Variants in SH3GL3 observed in about 807,000 individuals in gnomAD.
SH3GL3 encodes endophilin-A3.
SH3GL3 carries 33 observed loss-of-function variants against 47.7 expected under a neutral mutation model. The observed-to-expected ratio is 0.69, with a 90% confidence interval of 0.52 to 0.92. The LOEUF (loss-of-function observed/expected upper bound fraction) is 0.92. Among genes scored for constraint, SH3GL3 ranks in the 40% least tolerant of loss-of-function variants. The pLI, the probability that SH3GL3 is intolerant of heterozygous loss-of-function variation, is 0.00. For missense variants in SH3GL3, 363 were observed against 417.8 expected (o/e 0.87, Z 1.14); for synonymous variants, 155 against 148.8 (o/e 1.04, Z -0.30).
chr15:83,479,365 T>G (rs1393086061), intron 1 of SH3GL3, among the ~76,000 whole-genome samples: 1 of 152,016 alleles, frequency 6.6e-6, no homozygotes, highest in Non-Finnish European at 1.5e-5. Flanking sequence ...TTGATGTTGT[T>G]GTTCTTGCAG....
At chr15:83,476,399 C>A (rs889358024) in intron 1 of SH3GL3, among the ~76,000 whole-genome samples, 1 of 152,078 alleles carries the variant, frequency 6.6e-6, no homozygotes, top group African/African-American at 2.4e-5. Flanking sequence ...ATTCTGAATC[C>A]TTATATAAAT....
intron 1 of SH3GL3, among the ~76,000 whole-genome samples, chr15:83,458,078 G>C (rs887353098): frequency 7.9e-5 from 12 of 152,284 alleles, no homozygotes; most frequent in African/African-American, 2.9e-4. Context: ...GGCATGCTTT[G>C]CCCAGAAGAT....
intron 1 of SH3GL3, among the ~76,000 whole-genome samples, chr15:83,538,965 A>C (rs1334829534): frequency 6.6e-6 from 1 of 152,062 alleles, no homozygotes; most frequent in Non-Finnish European, 1.5e-5. Flanking sequence ...ACCAATGTAT[A>C]CTCCTACAAA....
chr15:83,588,885 T>A, intron 8 of SH3GL3, 114 bp downstream of exon 8: 1 of 641,790 alleles, frequency 1.6e-6, no homozygotes, highest in Non-Finnish European at 2.8e-6. Context: ...GATATCTTTC[T>A]TTGGTTGTTT....
chr15:83,567,707 TGTGTGTGTGCGTGCGCGCGCATGTG>T (rs1229248003), intron 3 of SH3GL3, among the ~76,000 whole-genome samples: 2 of 152,132 alleles, frequency 1.3e-5, no homozygotes, highest in African/African-American at 4.8e-5. Flanking sequence ...GCAGAGTGTG[TGTGTGTGTGCGTGCGCGCGCATGTG>T]GTGTGTGTTA....
At chr15:83,534,981 C>A (rs1173986000) in intron 1 of SH3GL3, among the ~76,000 whole-genome samples, 1 of 151,848 alleles carries the variant, frequency 6.6e-6, no homozygotes, top group Non-Finnish European at 1.5e-5. Context: ...CTGATTAAAC[C>A]CAGGAATGGA....
At chr15:83,601,170 G>T (rs531926326) in intron 8 of SH3GL3, among the ~76,000 whole-genome samples, 1 of 152,102 alleles carries the variant, frequency 6.6e-6, no homozygotes, top group Non-Finnish European at 1.5e-5. Context: ...CCTCTATACC[G>T]ATTTGGATGC....
intron 7 of SH3GL3, 73 bp downstream of exon 7, chr15:83,587,159 C>G: frequency 4.2e-6 from 3 of 712,728 alleles, no homozygotes; most frequent in Non-Finnish European, 7.2e-6. Flanking sequence ...CTGTCTGTCT[C>G]TCCATCTCTC....
intron 1 of SH3GL3, among the ~76,000 whole-genome samples, chr15:83,525,414 G>A (rs1312535405): frequency 6.6e-6 from 1 of 150,468 alleles, no homozygotes; most frequent in Admixed American, 6.7e-5. Flanking sequence ...GTAAATTCTG[G>A]ATATTAGTTT....
chr15:83,573,106 A>C (rs1295160684), intron 5 of SH3GL3, among the ~76,000 whole-genome samples: 1 of 152,180 alleles, frequency 6.6e-6, no homozygotes, highest in Non-Finnish European at 1.5e-5. Context: ...CAATACCTAG[A>C]AATTGAATTT....
In SH3GL3 at chr15:83,447,474, C is replaced by A. The variant is rs1377497657; in HGVS notation, c.-60C>A. ...CCGGGCTCCCGCTCCCCGAGCGCGTCGCGGCCGCGTGGCCCAGCCGAGCCT... is the reference window on the plus strand; with the variant it reads ...CCGGGCTCCCGCTCCCCGAGCGCGTAGCGGCCGCGTGGCCCAGCCGAGCCT... On this transcript the variant is annotated 5_prime_UTR_variant, in exon 1 of 9. Coordinates refer to ENST00000427482, the MANE Select transcript of SH3GL3 (RefSeq NM_003027.5). This position sits in a 1 kb window ranked among gnomAD's most constrained non-coding sequence, Gnocchi z 5.1. 1.4e-6 allele frequency: 2 copies of A among 1,419,476 alleles called. No homozygotes were observed. Among genetic ancestry groups the A allele is most frequent in the Non-Finnish European group, 1.9e-6 (2 of 1,075,688 alleles). The allele number at this position is 1,419,476 out of a possible 1,614,324, so 87.9% of individuals were successfully genotyped here.
At chr15:83,538,246 G>A (rs577440812) in intron 1 of SH3GL3, among the ~76,000 whole-genome samples, 5 of 152,304 alleles carry the variant, frequency 3.3e-5, no homozygotes, top group East Asian at 3.9e-4. Flanking sequence ...AGATAGGGAC[G>A]AAGTGGTCCA....
intron 1 of SH3GL3, among the ~76,000 whole-genome samples, chr15:83,547,400 G>A (rs1301335083): frequency 6.6e-6 from 1 of 152,222 alleles, no homozygotes; most frequent in Admixed American, 6.5e-5. Flanking sequence ...CCTTCCTCCC[G>A]CAAGTGCACA....
chr15:83,453,474 A>T, intron 1 of SH3GL3, among the ~76,000 whole-genome samples: 1 of 138,302 alleles, frequency 7.2e-6, no homozygotes, highest in Non-Finnish European at 1.6e-5. Context: ...GATTATTGCC[A>T]CAATTTCAGA....
intron 6 of SH3GL3, among the ~76,000 whole-genome samples, chr15:83,586,633 C>T (rs752857494): frequency 3.2e-4 from 48 of 152,306 alleles, no homozygotes; most frequent in Non-Finnish European, 5.7e-4. Flanking sequence ...TAAATGTTGG[C>T]TTCGTTTGTA....
At chr15:83,504,654 A>G (rs939947105) in intron 1 of SH3GL3, among the ~76,000 whole-genome samples, 8 of 152,118 alleles carry the variant, frequency 5.3e-5, no homozygotes, top group Admixed American at 3.9e-4. Context: ...GCCAACAACC[A>G]TGTGGGTGAG....
chr15:83,567,648 C>G (rs1007770007), intron 3 of SH3GL3, among the ~76,000 whole-genome samples: 4 of 152,178 alleles, frequency 2.6e-5, no homozygotes, highest in African/African-American at 9.7e-5. Flanking sequence ...AACAGCAGCA[C>G]CTGCCTGCCA....
At chr15:83,529,083 T>C (rs2151671464) in intron 1 of SH3GL3, among the ~76,000 whole-genome samples, 1 of 152,296 alleles carries the variant, frequency 6.6e-6, no homozygotes, top group East Asian at 1.9e-4. Flanking sequence ...CAGCATGGTG[T>C]CTGTGATTGT....
Position 83,587,525 on chromosome 15 carries a change from T to TAAAA in SH3GL3, c.728+458_728+461dup, listed in dbSNP as rs35935527. The stretch of plus-strand genomic sequence containing the variant: ...TGTATGGAAAATATGTAAATATCTG[T>TAAAA]AAAAAAAAAAAAAAAAAAAAAAGGT... On this transcript the variant is annotated intron_variant, in intron 7 of 8. Transcript: ENST00000427482. Among the ~76,000 whole-genome samples, 7 of 105,012 alleles carry TAAAA rather than the reference T, an allele frequency of 6.7e-5. 1 individual carries two copies. Among genetic ancestry groups the TAAAA allele is most frequent in the Non-Finnish European group, 3.7e-5 (2 of 53,840 alleles). The allele number at this position is 105,012 out of a possible 152,430, so 68.9% of individuals were successfully genotyped here.
Sources: gnomAD v4.1 joint callset for allele counts (sites outside exome capture counted in the v4.1 genomes callset) on GRCh38, gnomAD v4.1.1 for gene constraint, Gnocchi (gnomAD v3.1) non-coding constraint, MANE v1.5 for transcripts, NCBI Gene and HGNC (gene_info 2026-07-23, HGNC 2026-07-21) for gene names.